STPG2: variants seen among roughly 807,000 people sequenced by gnomAD.
STPG2 encodes sperm-tail PG-rich repeat-containing protein 2.
In STPG2, 56 loss-of-function variants were observed where a neutral mutation model predicts 54.2. The ratio of observed to expected loss-of-function variants is 1.03; its 90% CI spans 0.83 to 1.29. STPG2 has a LOEUF of 1.29. Among genes scored for constraint, STPG2 ranks in the 50% most tolerant of loss-of-function variants. The probability of loss-of-function intolerance (pLI) is 0.00; values close to 1 mark genes in which losing one functional copy is unlikely to be tolerated. For synonymous variants in STPG2, 200 were observed against 181.8 expected (o/e 1.10, Z -0.81); for missense variants, 596 against 544.9 (o/e 1.09, Z -0.93).
intron 8 of STPG2, among the ~76,000 whole-genome samples, chr4:97,897,569 T>C (rs1430291346): frequency 6.6e-6 from 1 of 152,154 alleles, no homozygotes; most frequent in African/African-American, 2.4e-5. Flanking sequence ...TCAGCATCTG[T>C]TATTTTTTGA....
intron 4 of STPG2, among the ~76,000 whole-genome samples, chr4:97,469,040 T>G (rs1465969490): frequency 6.6e-6 from 1 of 152,066 alleles, no homozygotes; most frequent in Non-Finnish European, 1.5e-5. Flanking sequence ...GTCTATACAA[T>G]TGAATTAGCT....
At chr4:97,717,287 T>G (rs572846712) in intron 9 of STPG2, among the ~76,000 whole-genome samples, 1 of 152,308 alleles carries the variant, frequency 6.6e-6, no homozygotes, top group African/African-American at 2.4e-5. Context: ...TATTTCATAT[T>G]TTAAGAAATA....
At chr4:97,518,609 A>C (rs1019148239) in intron 4 of STPG2, among the ~76,000 whole-genome samples, 15 of 152,154 alleles carry the variant, frequency 9.9e-5, no homozygotes, top group African/African-American at 3.4e-4. Context: ...AAAAATAAAA[A>C]TACTGTATTA....
At chr4:97,870,395 A>G (rs1729943710) in intron 8 of STPG2, among the ~76,000 whole-genome samples, 1 of 151,588 alleles carries the variant, frequency 6.6e-6, no homozygotes, top group Non-Finnish European at 1.5e-5. Context: ...ATAATAAAAT[A>G]CATACAATTA....
intron 8 of STPG2, among the ~76,000 whole-genome samples, chr4:97,901,670 G>A (rs1409482395): frequency 2.0e-5 from 3 of 151,764 alleles, no homozygotes; most frequent in Non-Finnish European, 4.4e-5. Flanking sequence ...AAAAGAAATA[G>A]AAGATACAAA....
rs903204964 is a variant in STPG2 at position 98,072,708 on chromosome 4, C to T, written c.612+33245G>A. On this transcript the variant is annotated intron_variant, in intron 5 of 10. Coordinates refer to ENST00000295268, the MANE Select transcript of STPG2 (RefSeq NM_174952.3). ...CAACATTTGACCCTATTCACATTGT[C>T]CCATTAGGCTAGGAGATCAGGAAAC... 2.0e-5 allele frequency among the ~76,000 whole-genome samples: 3 copies of T among 152,140 alleles called. No homozygotes were observed. The East Asian group carries it at 5.8e-4, about 29-fold the overall frequency.
At chr4:97,803,590 A>G (rs1248764439) in intron 9 of STPG2, among the ~76,000 whole-genome samples, 2 of 152,090 alleles carry the variant, frequency 1.3e-5, no homozygotes, top group South Asian at 4.1e-4. Context: ...CCCAGGTTGA[A>G]GTGTTAATAG....
intron 9 of STPG2, among the ~76,000 whole-genome samples, chr4:97,753,048 G>A (rs1432953481): frequency 1.3e-5 from 2 of 151,620 alleles, no homozygotes; most frequent in African/African-American, 4.8e-5. Flanking sequence ...ACCTCAGATG[G>A]GTTCTTATTT....
chr4:97,490,737 C>A (rs1730486199), intron 4 of STPG2, among the ~76,000 whole-genome samples: 1 of 151,512 alleles, frequency 6.6e-6, no homozygotes, highest in South Asian at 2.1e-4. Flanking sequence ...TTCCACTGCC[C>A]CTTTTCTGTG....
chr4:97,905,418 T>C (rs1336270533), intron 8 of STPG2, among the ~76,000 whole-genome samples: 2 of 151,852 alleles, frequency 1.3e-5, no homozygotes, highest in East Asian at 1.9e-4. Flanking sequence ...AGAGATTTTG[T>C]CACCACCAGG....
intron 5 of STPG2, among the ~76,000 whole-genome samples, chr4:98,073,352 C>A (rs1738064055): frequency 6.6e-6 from 1 of 152,078 alleles, no homozygotes; most frequent in African/African-American, 2.4e-5. Context: ...TGTGTATTAT[C>A]AATGTATGTC....
chr4:97,572,821 T>G (rs1732633870), intron 10 of STPG2: 1 of 152,150 alleles, frequency 6.6e-6, no homozygotes, highest in South Asian at 2.1e-4. Flanking sequence ...TTGTGAAACA[T>G]ACTTTAAATA....
intron 10 of STPG2, among the ~76,000 whole-genome samples, chr4:97,620,523 A>G (rs148531632): frequency 1.3e-5 from 2 of 152,286 alleles, no homozygotes; most frequent in East Asian, 3.9e-4. Context: ...GGGACTTTAA[A>G]CAAACAAAGA....
intron 10 of STPG2, among the ~76,000 whole-genome samples, chr4:97,589,274 T>C (rs1733077017): frequency 6.6e-6 from 1 of 152,066 alleles, no homozygotes; most frequent in South Asian, 2.1e-4. Flanking sequence ...TTGCATTATA[T>C]ATGTGTGTTG....
chr4:97,798,426 T>C (rs1727274739), intron 9 of STPG2, among the ~76,000 whole-genome samples: 1 of 152,200 alleles, frequency 6.6e-6, no homozygotes, highest in African/African-American at 2.4e-5. Flanking sequence ...ATTTCTGACT[T>C]CATTTCGTTA....
intron 10 of STPG2, among the ~76,000 whole-genome samples, chr4:97,652,079 T>C (rs1722085969): frequency 6.6e-6 from 1 of 152,004 alleles, no homozygotes; most frequent in South Asian, 2.1e-4. Flanking sequence ...ACTCTGATAG[T>C]AATACTAGTA....
At chr4:97,737,033 C>G (rs1331822716) in intron 9 of STPG2, among the ~76,000 whole-genome samples, 2 of 152,190 alleles carry the variant, frequency 1.3e-5, no homozygotes, top group Admixed American at 1.3e-4. Flanking sequence ...AACGACCAGA[C>G]AGCAGCATTC....
intron 10 of STPG2, among the ~76,000 whole-genome samples, chr4:97,697,066 T>G (rs1282246370): frequency 1.3e-5 from 2 of 152,146 alleles, no homozygotes; most frequent in Non-Finnish European, 2.9e-5. Flanking sequence ...GAATTGCACC[T>G]CTCTGTCTGC....
chr4:97,899,672 T>A (rs1731100707), intron 8 of STPG2, among the ~76,000 whole-genome samples: 1 of 151,702 alleles, frequency 6.6e-6, no homozygotes, highest in Admixed American at 6.6e-5. Flanking sequence ...AGGCTGCACA[T>A]CTACAACCAT....
Sources: gnomAD v4.1 joint callset for allele counts (sites outside exome capture counted in the v4.1 genomes callset) on GRCh38, gnomAD v4.1.1 for gene constraint, MANE v1.5 for transcripts, NCBI Gene and HGNC (gene_info 2026-07-23, HGNC 2026-07-21) for gene names.